CTCF: variants seen among roughly 807,000 people sequenced by gnomAD.
The protein encoded by CTCF is transcriptional repressor CTCF.
CTCF carries 7 observed loss-of-function variants against 72.3 expected under a neutral mutation model. The ratio of observed to expected loss-of-function variants is 0.10; its 90% CI spans 0.06 to 0.18. The LOEUF is 0.18. Among genes scored for constraint, CTCF ranks in the 10% least tolerant of loss-of-function variants. CTCF has a pLI of 1.00. For synonymous variants in CTCF, 374 were observed against 315.8 expected (o/e 1.18, Z -1.95); for missense variants, 516 against 949.1 (o/e 0.54, Z 6.00).
intron 2 of CTCF, among the ~76,000 whole-genome samples, chr16:67,601,934 G>T (rs1280911041): frequency 6.6e-6 from 1 of 150,582 alleles, no homozygotes; most frequent in African/African-American, 2.4e-5. Flanking sequence ...CCCAATCTTG[G>T]CTCACTGCAG....
At chr16:67,615,949 C>G (rs959558467) in intron 4 of CTCF, 9 of 152,290 alleles carry the variant, frequency 5.9e-5, no homozygotes, top group Admixed American at 2.0e-4. Context: ...TTGATACTAC[C>G]TTGCTGTCAC....
chr16:67,597,060 G>A (rs942990101), intron 2 of CTCF, among the ~76,000 whole-genome samples: 4 of 151,910 alleles, frequency 2.6e-5, no homozygotes, highest in African/African-American at 9.7e-5. Flanking sequence ...TTGAGACAGG[G>A]TCTCACTCTG....
In CTCF at chr16:67,610,123, C is replaced by T. The variant is rs147772869; in HGVS notation, c.-9-701C>T. Among the ~76,000 whole-genome samples, 4 of 152,314 alleles carry T rather than the reference C, an allele frequency of 2.6e-5. No individual in the cohort carries two copies. The East Asian group carries it at 7.7e-4, about 29-fold the overall frequency. ...CTGATCTACTGGTTCTCCCTCCAATCAGTCTTCCCTTGTATTCTTCTTGTT... is the reference window on the plus strand; with the variant it reads ...CTGATCTACTGGTTCTCCCTCCAATTAGTCTTCCCTTGTATTCTTCTTGTT... On this transcript the variant is annotated intron_variant, in intron 2 of 11. Coordinates refer to ENST00000264010, the MANE Select transcript of CTCF (RefSeq NM_006565.4).
At chr16:67,598,043 C>T (rs184687265) in intron 2 of CTCF, among the ~76,000 whole-genome samples, 3 of 152,164 alleles carry the variant, frequency 2.0e-5, no homozygotes, top group East Asian at 1.9e-4. Context: ...GAGGCATGAT[C>T]ACTACTCACT....
chr16:67,581,394 C>T (rs2142742242), intron 2 of CTCF, among the ~76,000 whole-genome samples: 1 of 151,694 alleles, frequency 6.6e-6, no homozygotes, highest in East Asian at 1.9e-4. Context: ...ATGATCTAGG[C>T]TCACTGCTAC....
chr16:67,604,124 G>A (rs573966474), intron 2 of CTCF, among the ~76,000 whole-genome samples: 65 of 136,846 alleles, frequency 4.7e-4, no homozygotes, highest in Middle Eastern at 3.7e-3. Context: ...AGGAAACCCC[G>A]TCTCAAAAAA....
At chr16:67,620,998 A>G in intron 6 of CTCF, 181 bp downstream of exon 6, 1 of 469,812 alleles carries the variant, frequency 2.1e-6, no homozygotes, top group Non-Finnish European at 3.5e-6. Flanking sequence ...AACACATTAG[A>G]AAATAGTACC....
At chr16:67,624,204 T>C (rs1350690402) in intron 7 of CTCF, among the ~76,000 whole-genome samples, 1 of 151,694 alleles carries the variant, frequency 6.6e-6, no homozygotes, top group African/African-American at 2.4e-5. Flanking sequence ...TATATATGTA[T>C]GTCTTCACCC....
chr16:67,590,464 C>T (rs558645076), intron 2 of CTCF, among the ~76,000 whole-genome samples: 15 of 151,830 alleles, frequency 9.9e-5, no homozygotes, highest in Admixed American at 2.6e-4. Context: ...ATTATTTCTA[C>T]ACACACACAT....
At chr16:67,613,593 G>T (rs1330817922) in intron 4 of CTCF, among the ~76,000 whole-genome samples, 1 of 152,142 alleles carries the variant, frequency 6.6e-6, no homozygotes, top group Non-Finnish European at 1.5e-5. Context: ...CGGCCAACAT[G>T]GCAAAACCGC....
At chr16:67,620,859 T>G in intron 6 of CTCF, 42 bp downstream of exon 6, 2 of 1,506,748 alleles carry the variant, frequency 1.3e-6, no homozygotes, top group Middle Eastern at 3.5e-4. Context: ...GAGCTTCTTT[T>G]CAGTGAATCC....
rs2052356336 is a variant in CTCF at position 67,631,143 on chromosome 16, GTTCT to G, written c.1837+1613_1837+1616del. On this transcript the variant is annotated intron_variant, in intron 10 of 11. Coordinates refer to ENST00000264010, the MANE Select transcript of CTCF (RefSeq NM_006565.4). ...TTAGTGACTTTATTGGGCTTTTTTTGTTCTTTGTTTGTTTTTTTTTTGTTTTTTG... is the reference window on the plus strand; with the variant it reads ...TTAGTGACTTTATTGGGCTTTTTTTGTTGTTTGTTTTTTTTTTGTTTTTTG... Among the ~76,000 whole-genome samples, 3 of 138,320 alleles carry G rather than the reference GTTCT, an allele frequency of 2.2e-5. No homozygotes were observed. The South Asian group carries it at 6.8e-4, about 32-fold the overall frequency. The allele number at this position is 138,320 out of a possible 152,430, so 90.7% of individuals were successfully genotyped here.
At position 67,636,726 on chromosome 16, in the gene CTCF, A is replaced by G. The variant is rs1261532627; in HGVS notation, c.1874A>G (p.Glu625Gly). 6.2e-7 allele frequency: 1 copy of G among 1,610,190 alleles called. No individual in the cohort carries two copies. Among genetic ancestry groups the G allele is most frequent in the African/African-American group, 1.3e-5 (1 of 74,880 alleles). The change falls in exon 11 of 12, where the codon GAG becomes GGG. Residue 625 changes from glutamate (E) to glycine (G), a missense_variant. By Grantham distance (98) the Glu-to-Gly change is moderately conservative. This residue lies in a region of CTCF where 157 missense variants were observed against 172.9 expected (regional missense o/e 0.91). Transcript: ENST00000264010. ...CCAGATCTGGACGACAATGAGGATGAGGAGGAGCCTGCCGTAGAAATTGAA... is the reference window on the plus strand; with the variant it reads ...CCAGATCTGGACGACAATGAGGATGGGGAGGAGCCTGCCGTAGAAATTGAA... ...AEPDLDDNEDEEEPAVEIEPE... is the reference protein window; with the variant it reads ...AEPDLDDNEDGEEPAVEIEPE...
chr16:67,633,836 C>T (rs2052396777), intron 10 of CTCF, among the ~76,000 whole-genome samples: 1 of 151,522 alleles, frequency 6.6e-6, no homozygotes, highest in African/African-American at 2.4e-5. Context: ...TCACTCTTAC[C>T]CTTCCTGCCC....
At chr16:67,570,271 C>CG (rs1206130386) in intron 1 of CTCF, among the ~76,000 whole-genome samples, 4 of 151,554 alleles carry the variant, frequency 2.6e-5, no homozygotes, top group Non-Finnish European at 5.9e-5. Context: ...TTAGTAGAGA[C>CG]GGGGTCTCAC....
chr16:67,630,748 T>C (rs534295291), intron 10 of CTCF, among the ~76,000 whole-genome samples: 1 of 151,628 alleles, frequency 6.6e-6, no homozygotes, highest in Admixed American at 6.6e-5. Context: ...AAGTGAGACC[T>C]TGTCTCCAAA....
Position 67,611,314 on chromosome 16 carries a change from C to T in CTCF, c.482C>T (p.Pro161Leu). ...EPMICHTLPL[P>L]EGFQVVKVGA... Reference sequence around the variant, plus strand: ...ATGATATGCCACACCCTACCTTTGCCTGAAGGGTTTCAGGTGGTTAAAGTG... The same window carrying T: ...ATGATATGCCACACCCTACCTTTGCTTGAAGGGTTTCAGGTGGTTAAAGTG... The change falls in exon 3 of 12, where the codon CCT becomes CTT. Residue 161 changes from proline to leucine, a missense_variant. By Grantham distance (98) the Pro-to-Leu change is moderately conservative. This residue lies in a region of CTCF where 2 missense variants were observed against 18.8 expected (regional missense o/e 0.11). Coordinates refer to ENST00000264010, the MANE Select transcript of CTCF (RefSeq NM_006565.4). The T allele has an allele frequency of 6.2e-7, 1 of 1,614,120 alleles. No homozygotes were observed. Among genetic ancestry groups the T allele is most frequent in the Non-Finnish European group, 8.5e-7 (1 of 1,180,022 alleles).
chr16:67,595,662 TAGAAA>T (rs1487931639), intron 2 of CTCF, among the ~76,000 whole-genome samples: 1 of 152,074 alleles, frequency 6.6e-6, no homozygotes, highest in African/African-American at 2.4e-5. Flanking sequence ...CCTTATTTTA[TAGAAA>T]AGAAAACTGC....
chr16:67,572,750 G>A (rs899988884), intron 2 of CTCF, among the ~76,000 whole-genome samples: 12 of 152,112 alleles, frequency 7.9e-5, no homozygotes, highest in Middle Eastern at 3.2e-3. Context: ...GACCAGCCTG[G>A]CCAACATGGT....
Sources: allele counts gnomAD v4.1 joint callset (sites outside exome capture counted in the v4.1 genomes callset), GRCh38; gene constraint gnomAD v4.1.1; regional missense constraint gnomAD v4.1.1; transcripts MANE v1.5; gene names NCBI Gene and HGNC (gene_info 2026-07-23, HGNC 2026-07-21).